Variants in SUPT3H observed in about 807,000 individuals in gnomAD.
SUPT3H encodes transcription initiation protein SPT3 homolog.
In SUPT3H, 44 loss-of-function variants were observed where a neutral mutation model predicts 44.3. The observed-to-expected ratio is 0.99, with a 90% CI of 0.78 to 1.28. SUPT3H has a LOEUF of 1.28. Among genes scored for constraint, SUPT3H ranks in the 50% most tolerant of loss-of-function variants. The pLI, the probability that SUPT3H is intolerant of heterozygous loss-of-function variation, is 0.00. For synonymous variants in SUPT3H, 124 were observed against 125.6 expected (o/e 0.99, Z 0.09); for missense variants, 380 against 387.1 (o/e 0.98, Z 0.15).
At chr6:45,214,451 GGAAA>G (rs1368173440) in intron 2 of SUPT3H, among the ~76,000 whole-genome samples, 1 of 151,818 alleles carries the variant, frequency 6.6e-6, no homozygotes, top group African/African-American at 2.4e-5. Flanking sequence ...AATACAGAAA[GGAAA>G]GAAATACAGA....
intron 2 of SUPT3H, among the ~76,000 whole-genome samples, chr6:45,175,996 T>A (rs1009835839): frequency 1.3e-5 from 2 of 152,158 alleles, no homozygotes; most frequent in African/African-American, 4.8e-5. Flanking sequence ...ATTTTGTATC[T>A]CCCAAGCAAT....
chr6:45,091,006 A>G (rs1797062458), intron 3 of SUPT3H, among the ~76,000 whole-genome samples: 1 of 152,018 alleles, frequency 6.6e-6, no homozygotes, highest in African/African-American at 2.4e-5. Flanking sequence ...AAGCAATAAT[A>G]TGGTTGATTT....
intron 9 of SUPT3H, among the ~76,000 whole-genome samples, chr6:44,949,630 C>T (rs1187328272): frequency 6.8e-6 from 1 of 146,300 alleles, no homozygotes; most frequent in African/African-American, 2.5e-5. Context: ...AAAAAATGGG[C>T]AAAGGATTTG....
In SUPT3H at chr6:45,212,479, CTATGTGTG is replaced by C. The variant is rs1335456428; in HGVS notation, c.102-106481_102-106474del. Among the ~76,000 whole-genome samples, 55 of 139,956 alleles carry C rather than the reference CTATGTGTG, an allele frequency of 3.9e-4. 2 individuals are homozygous for C. Among genetic ancestry groups the C allele is most frequent in the South Asian group, 3.0e-3 (13 of 4,280 alleles). The allele number at this position is 139,956 out of a possible 152,430, so 91.8% of individuals were successfully genotyped here. On this transcript the variant is annotated intron_variant, in intron 2 of 10. Coordinates refer to ENST00000371459, the MANE Select transcript of SUPT3H (RefSeq NM_003599.4). ...GTTCTGAAACTTCCCTCCACCTCCACTATGTGTGTGTGTGTGTGTGTGTGTGTGTGTGT... is the reference window on the plus strand; with the variant it reads ...GTTCTGAAACTTCCCTCCACCTCCACTGTGTGTGTGTGTGTGTGTGTGTGT...
In SUPT3H at chr6:44,916,972, A is replaced by AAAACAAACAAACAAAC. The variant is rs111992171; in HGVS notation, c.912+15665_912+15680dup. Among the ~76,000 whole-genome samples, 310 of 150,956 alleles carry AAAACAAACAAACAAAC rather than the reference A, an allele frequency of 2.1e-3. 2 individuals are homozygous for AAAACAAACAAACAAAC. The highest frequency in any genetic ancestry group is 7.4e-3 in the African/African-American group (302 of 40,646). On this transcript the variant is annotated intron_variant, in intron 10 of 10. Transcript: ENST00000371459. ...ACATGGTGAGACCCTGTCTCTACAA[A>AAAACAAACAAACAAAC]AAACAAACAAACAAACAAACAAACA...
chr6:45,363,502 C>A (rs1259114310), intron 2 of SUPT3H, among the ~76,000 whole-genome samples: 2 of 151,912 alleles, frequency 1.3e-5, no homozygotes, highest in African/African-American at 2.4e-5. Context: ...TTTGAAAATT[C>A]CCAAATTAAA....
chr6:45,079,411 G>A lies in SUPT3H; in HGVS notation c.186+26511C>T, dbSNP rs545878180. ...TGGAAGAAGGAAGAAGTGGGGAGGA[G>A]AAGGAAGAAGAAGGGGGAAGAGGAG... On this transcript the variant is annotated intron_variant, in intron 3 of 10. Coordinates refer to ENST00000371459, the MANE Select transcript of SUPT3H (RefSeq NM_003599.4). Among the ~76,000 whole-genome samples the A allele has an allele frequency of 7.4e-3, 1,094 of 147,702 alleles. 20 individuals are homozygous for A. Among genetic ancestry groups the A allele is most frequent in the African/African-American group, 0.026 (1,038 of 40,376 alleles).
intron 11 of SUPT3H, among the ~76,000 whole-genome samples, chr6:44,814,351 G>C (rs1318362768): frequency 6.6e-6 from 1 of 152,182 alleles, no homozygotes; most frequent in Non-Finnish European, 1.5e-5. Context: ...GCCAGGCAGT[G>C]ATCCAAGTCC....
At chr6:45,022,633 T>A (rs1433907795) in intron 3 of SUPT3H, among the ~76,000 whole-genome samples, 1 of 152,040 alleles carries the variant, frequency 6.6e-6, no homozygotes, top group East Asian at 1.9e-4. Flanking sequence ...AGTTAGTATG[T>A]CTCTGGAACT....
At chr6:45,110,615 C>T (rs1799918982) in intron 2 of SUPT3H, among the ~76,000 whole-genome samples, 1 of 151,764 alleles carries the variant, frequency 6.6e-6, no homozygotes, top group Admixed American at 6.6e-5. Flanking sequence ...AGGAGCTTTA[C>T]TATCTTATGT....
At position 45,306,660 on chromosome 6, in the gene SUPT3H, C is replaced by T. The variant is rs117832372; in HGVS notation, c.101+58541G>A. 1.8e-3 allele frequency among the ~76,000 whole-genome samples: 281 copies of T among 152,268 alleles called. 9 individuals carry two copies. The East Asian group carries it at 0.046, about 25-fold the overall frequency. On this transcript the variant is annotated intron_variant, in intron 2 of 10. Transcript: ENST00000371459. ...ACCAAAAGAATACAATCGGGCGGTT[C>T]CAAGATGGCCGAATAGGAACAGCTC...
chr6:45,362,986 T>TA (rs1794526043), intron 2 of SUPT3H, among the ~76,000 whole-genome samples: 1 of 152,070 alleles, frequency 6.6e-6, no homozygotes, highest in Non-Finnish European at 1.5e-5. Context: ...TAATATTTTA[T>TA]TTTTAATTTT....
chr6:45,277,684 C>G (rs1562851019), intron 2 of SUPT3H, among the ~76,000 whole-genome samples: 1 of 152,160 alleles, frequency 6.6e-6, no homozygotes, highest in Admixed American at 6.5e-5. Flanking sequence ...AGGATTTACA[C>G]ACACGCAATT....
chr6:45,034,702 A>G (rs1046031916), intron 3 of SUPT3H, among the ~76,000 whole-genome samples: 8 of 152,218 alleles, frequency 5.3e-5, no homozygotes, highest in African/African-American at 1.4e-4. Flanking sequence ...TTTGTTGAAT[A>G]CAACATGAAA....
intron 10 of SUPT3H, among the ~76,000 whole-genome samples, chr6:44,866,960 C>T (rs1195246247): frequency 2.6e-5 from 4 of 152,036 alleles, no homozygotes; most frequent in African/African-American, 4.8e-5. Flanking sequence ...TAGATATTCT[C>T]GGATATTATG....
chr6:44,813,478 G>C (rs371191508), intron 11 of SUPT3H, among the ~76,000 whole-genome samples: 1 of 151,896 alleles, frequency 6.6e-6, no homozygotes, highest in Non-Finnish European at 1.5e-5. Flanking sequence ...GGGTGAGCCA[G>C]TGTGCCCAGC....
chr6:45,083,406 G>T (rs1474026103), intron 3 of SUPT3H, among the ~76,000 whole-genome samples: 2 of 151,778 alleles, frequency 1.3e-5, no homozygotes, highest in Non-Finnish European at 2.9e-5. Flanking sequence ...TGGCCAGGCT[G>T]GTCTTGAACT....
chr6:45,223,716 A>G (rs1422609202), intron 2 of SUPT3H, among the ~76,000 whole-genome samples: 5 of 151,838 alleles, frequency 3.3e-5, no homozygotes, highest in Non-Finnish European at 7.4e-5. Context: ...GTCTAAAATT[A>G]CCAAATATTT....
chr6:45,207,646 A>G (rs1331379593), intron 2 of SUPT3H, among the ~76,000 whole-genome samples: 2 of 152,142 alleles, frequency 1.3e-5, no homozygotes, highest in Non-Finnish European at 2.9e-5. Context: ...AATTCTCACA[A>G]CATTTTAAAC....
Sources: allele counts gnomAD v4.1 joint callset (sites outside exome capture counted in the v4.1 genomes callset), GRCh38; gene constraint gnomAD v4.1.1; transcripts MANE v1.5; gene names NCBI Gene and HGNC (gene_info 2026-07-23, HGNC 2026-07-21).